EPG5: variants seen among roughly 807,000 people sequenced by gnomAD.
The protein encoded by EPG5 is ectopic P-granules 5 autophagy tethering factor.
Under a neutral mutation model 302.7 loss-of-function variants are expected in EPG5, and 159 were observed. The observed-to-expected ratio is 0.53, with a 90% CI of 0.46 to 0.60. EPG5 has a LOEUF of 0.60. Ranked by LOEUF, EPG5 falls within the 20% of genes least tolerant of loss-of-function variation. The probability of loss-of-function intolerance (pLI) is 0.00; values close to 1 mark genes in which losing one functional copy is unlikely to be tolerated. For synonymous variants in EPG5, 1,158 were observed against 1,136.8 expected (o/e 1.02, Z -0.37); for missense variants, 2,896 against 3,092.4 (o/e 0.94, Z 1.51).
intron 1 of EPG5, among the ~76,000 whole-genome samples, chr18:45,956,526 G>A (rs1001746399): frequency 6.6e-5 from 10 of 151,438 alleles, no homozygotes; most frequent in Admixed American, 3.3e-4. Flanking sequence ...ACGCAATCTC[G>A]GCTCACTGCA....
chr18:45,870,071 T>G (rs1359038631), intron 36 of EPG5, among the ~76,000 whole-genome samples: 1 of 152,220 alleles, frequency 6.6e-6, no homozygotes, highest in Non-Finnish European at 1.5e-5. Flanking sequence ...TTAAGTCATT[T>G]CAGGTCTGCA....
chr18:45,957,132 T>C (rs1250773544), intron 1 of EPG5, among the ~76,000 whole-genome samples: 1 of 152,184 alleles, frequency 6.6e-6, no homozygotes, highest in Non-Finnish European at 1.5e-5. Flanking sequence ...TGGATTATTC[T>C]GCTCTGAATG....
chr18:45,842,311 CCCCTGCTCAAGGTCAAGA>C, the EPG5 span: 1 of 1,006,784 alleles, frequency 9.9e-7, no homozygotes, highest in Non-Finnish European at 1.5e-6. Flanking sequence ...GGTGGCTCCT[CCCCTGCTCAAGGTCAAGA>C]CCCTGCTCAA....
Position 45,860,218 on chromosome 18 carries a change from T to G in EPG5, c.6895A>C (p.Lys2299Gln). The G allele has an allele frequency of 1.2e-6, 2 of 1,614,242 alleles. No individual in the cohort carries two copies. The highest frequency in any genetic ancestry group is 1.7e-6 in the Non-Finnish European group (2 of 1,180,038). ...GGCAGCACCACCAGCCCATGCATTTTTTGGCCAATCCAGGTCCGGATACTG... is the reference window on the plus strand; with the variant it reads ...GGCAGCACCACCAGCCCATGCATTTGTTGGCCAATCCAGGTCCGGATACTG... ...RGSIRTWIGQ[K>Q]MHGLVVLPLL... The change falls in exon 40 of 44, where the codon AAA becomes CAA. Residue 2299 changes from lysine (K) to glutamine (Q), a missense_variant. Around this residue, in one of 5 missense-constraint regions of EPG5, gnomAD observed 620 missense variants for 704.2 expected, o/e 0.88. Coordinates refer to ENST00000282041, the MANE Select transcript of EPG5 (RefSeq NM_020964.3).
At chr18:45,882,542 A>G in intron 30 of EPG5, 55 bp from the exon 31 acceptor site, 1 of 1,434,582 alleles carries the variant, frequency 7.0e-7, no homozygotes, top group South Asian at 1.3e-5. Flanking sequence ...AAATAGTTTA[A>G]GAGGAGAGAG....
At chr18:45,915,407 G>A (rs2050005245) in intron 20 of EPG5, 104 bp downstream of exon 20, 1 of 810,020 alleles carries the variant, frequency 1.2e-6, no homozygotes, top group African/African-American at 1.7e-5. Flanking sequence ...TAGAATAAGT[G>A]CTAAATAAAA....
At chr18:45,824,276 G>A in the EPG5 span, among the ~76,000 whole-genome samples, 6 of 152,256 alleles carry the variant, frequency 3.9e-5, no homozygotes, top group Admixed American at 2.0e-4. Flanking sequence ...GCACAATCTT[G>A]GCTCACTGCA....
At chr18:45,854,615 T>C (rs1430413138) in intron 43 of EPG5, among the ~76,000 whole-genome samples, 1 of 152,142 alleles carries the variant, frequency 6.6e-6, no homozygotes, top group Non-Finnish European at 1.5e-5. Context: ...ATACCAACAC[T>C]TGGGAGGCTG....
chr18:45,943,321 A>C lies in EPG5; in HGVS notation c.1793-10T>G. On this transcript the variant is annotated splice_polypyrimidine_tract_variant and intron_variant, in intron 8 of 43. Coordinates refer to ENST00000282041, the MANE Select transcript of EPG5 (RefSeq NM_020964.3). ...TCAGGTAAATAATCACCTAGAAGTT[A>C]ATCAGATAAAAGAAAAAAATCATAG... 1.2e-6 allele frequency: 2 copies of C among 1,609,624 alleles called. No individual in the cohort carries two copies. The highest frequency in any genetic ancestry group is 2.2e-5 in the South Asian group (2 of 90,946).
chr18:45,926,313 C>T (rs945694009), intron 13 of EPG5, among the ~76,000 whole-genome samples: 7 of 151,792 alleles, frequency 4.6e-5, no homozygotes, highest in Admixed American at 1.3e-4. Flanking sequence ...CCATCCAGGC[C>T]GGGGGTGGGG....
At chr18:45,838,822 G>C in the EPG5 span, 2 of 1,561,594 alleles carry the variant, frequency 1.3e-6, no homozygotes, top group East Asian at 2.4e-5. Context: ...CGCCTGGTCC[G>C]GCCCGGCCCT....
At chr18:45,866,682 A>G in intron 38 of EPG5, 116 bp downstream of exon 38, 1 of 785,726 alleles carries the variant, frequency 1.3e-6, no homozygotes, top group South Asian at 1.6e-5. Context: ...ATGATAATAC[A>G]CATCCTCCGA....
the EPG5 span, among the ~76,000 whole-genome samples, chr18:45,804,891 T>C: frequency 1.3e-5 from 2 of 152,114 alleles, no homozygotes; most frequent in Non-Finnish European, 2.9e-5. Flanking sequence ...CATTGTAGGA[T>C]GCATAATGTA....
At chr18:45,940,172 G>C (rs1292473537) in intron 9 of EPG5, among the ~76,000 whole-genome samples, 1 of 152,202 alleles carries the variant, frequency 6.6e-6, no homozygotes, top group East Asian at 1.9e-4. Context: ...TGAGAAGAGT[G>C]TCCACGTAGA....
intron 17 of EPG5, 99 bp from the exon 18 acceptor site, chr18:45,916,681 C>CGAAAAATGGGA: frequency 7.7e-7 from 1 of 1,306,096 alleles, no homozygotes; most frequent in Non-Finnish European, 1.0e-6. Context: ...CTAAATTGGT[C>CGAAAAATGGGA]CCATTTTTCG....
the EPG5 span, among the ~76,000 whole-genome samples, chr18:45,834,839 A>G: frequency 1.3e-5 from 2 of 152,228 alleles, no homozygotes; most frequent in Admixed American, 1.3e-4. Flanking sequence ...AAGAGGTCAG[A>G]GGAGGCTGAG....
chr18:45,941,978 C>G (rs1035593077), intron 9 of EPG5, among the ~76,000 whole-genome samples: 2 of 152,188 alleles, frequency 1.3e-5, no homozygotes, highest in Non-Finnish European at 2.9e-5. Flanking sequence ...AATCCCAGAA[C>G]TTTGGGAGGC....
In EPG5 at chr18:45,884,775, C is replaced by T. The variant is rs370311674; in HGVS notation, c.5146G>A (p.Val1716Ile). Residue 1716 changes from valine to isoleucine, a missense_variant, in exon 30 of 44, where the codon GTA becomes ATA. Physicochemically the swap from Val to Ile is conservative, Grantham distance 29 (BLOSUM62 3). This residue lies in a region of EPG5 where 790 missense variants were observed against 798.0 expected (regional missense o/e 0.99). Transcript: ENST00000282041. Reference protein sequence around the residue: ...ISGIKSECRKVLETILKNSRL... With the variant: ...ISGIKSECRKILETILKNSRL... ...CTGTTCTTCAGAATGGTTTCAAGTACTTTTCTGCACTCTGATTTAATGCCA... is the reference window on the plus strand; with the variant it reads ...CTGTTCTTCAGAATGGTTTCAAGTATTTTTCTGCACTCTGATTTAATGCCA... 2.3e-5 allele frequency: 36 copies of T among 1,573,436 alleles called. No homozygotes were observed. The African/African-American group carries it at 3.3e-4, about 15-fold the overall frequency.
chr18:45,937,299 C>T (rs904247186), intron 10 of EPG5, among the ~76,000 whole-genome samples: 2 of 147,488 alleles, frequency 1.4e-5, no homozygotes, highest in African/African-American at 5.1e-5. Flanking sequence ...CACACATACA[C>T]GTATATATTT....
Sources: allele counts gnomAD v4.1 joint callset (sites outside exome capture counted in the v4.1 genomes callset), GRCh38; gene constraint gnomAD v4.1.1; regional missense constraint gnomAD v4.1.1; transcripts MANE v1.5; gene names NCBI Gene and HGNC (gene_info 2026-07-23, HGNC 2026-07-21).